The following SPATA13 variants were observed in gnomAD, a reference collection of about 807,000 sequenced individuals.
SPATA13 encodes the protein spermatogenesis-associated protein 13.
SPATA13 carries 50 observed loss-of-function variants against 104.0 expected under a neutral mutation model. The ratio of observed to expected loss-of-function variants is 0.48; its 90% CI spans 0.38 to 0.61. The LOEUF is 0.61. Among genes scored for constraint, SPATA13 ranks in the 20% least tolerant of loss-of-function variants. SPATA13 has a pLI of 0.00. For missense variants in SPATA13, 1,524 were observed against 1,690.6 expected, an observed-to-expected ratio of 0.90 and a Z score of 1.73; for synonymous variants, 606 against 667.5, an observed-to-expected ratio of 0.91 and a Z score of 1.42.
intron 4 of SPATA13, among the ~76,000 whole-genome samples, chr13:24,281,575 G>C (rs143095901): frequency 1.8e-4 from 28 of 152,316 alleles, no homozygotes; most frequent in African/African-American, 4.8e-4. Flanking sequence ...GACGTAAGCA[G>C]CTGGTTCTCC....
intron 3 of SPATA13, among the ~76,000 whole-genome samples, chr13:24,144,473 T>G (rs567955452): frequency 1.4e-4 from 22 of 152,216 alleles, no homozygotes; most frequent in African/African-American, 4.3e-4. Context: ...AGTTTCCTAT[T>G]TAAGAAGCGT....
chr13:24,192,813 A>G (rs112851255), intron 1 of SPATA13, among the ~76,000 whole-genome samples: 2,041 of 152,100 alleles, frequency 0.013, 56 homozygotes, highest in African/African-American at 0.043. Context: ...GTGACATGGG[A>G]AAAAAAGGCC....
At position 24,304,811 on chromosome 13, in the gene SPATA13, A is replaced by G. The variant is rs1314539571; in HGVS notation, c.*2038A>G. The G allele has an allele frequency of 6.6e-6, 1 of 152,242 alleles. No homozygotes were observed. Among genetic ancestry groups the G allele is most frequent in the Non-Finnish European group, 1.5e-5 (1 of 68,060 alleles). The allele number at this position is 152,242 out of a possible 1,614,324, so 9.4% of individuals were successfully genotyped here. On this transcript the variant is annotated 3_prime_UTR_variant, in exon 13 of 13. Coordinates refer to ENST00000382108, the MANE Select transcript of SPATA13 (RefSeq NM_001166271.3). ...TCCTGAGACAGAAGTTGCTGCAGGAAGGAGCTTCTGGAGAGGTCCTGTGGC... is the reference window on the plus strand; with the variant it reads ...TCCTGAGACAGAAGTTGCTGCAGGAGGGAGCTTCTGGAGAGGTCCTGTGGC...
chr13:24,094,288 A>G (rs1880001235), intron 3 of SPATA13, among the ~76,000 whole-genome samples: 1 of 152,240 alleles, frequency 6.6e-6, no homozygotes, highest in Non-Finnish European at 1.5e-5. Flanking sequence ...ACTCAGGGTT[A>G]ACATAGAAAA....
intron 3 of SPATA13, among the ~76,000 whole-genome samples, chr13:24,105,112 CGTTTTGTTTT>C (rs112455495): frequency 6.6e-5 from 10 of 151,658 alleles, no homozygotes; most frequent in Middle Eastern, 3.4e-3. Flanking sequence ...TTCTTACAAT[CGTTTTGTTTT>C]GTTTTGTTTT....
chr13:24,107,691 T>A (rs554431371), intron 3 of SPATA13, among the ~76,000 whole-genome samples: 25 of 152,306 alleles, frequency 1.6e-4, no homozygotes, highest in Non-Finnish European at 3.1e-4. Context: ...CATTTTCAGT[T>A]TTTATTGAAA....
chr13:24,142,517 G>A (rs1881793643), intron 3 of SPATA13, among the ~76,000 whole-genome samples: 1 of 152,076 alleles, frequency 6.6e-6, no homozygotes, highest in Non-Finnish European at 1.5e-5. Flanking sequence ...ATGCATTTGG[G>A]GGCAGAAATA....
intron 3 of SPATA13, among the ~76,000 whole-genome samples, chr13:24,108,399 G>A (rs187711515): frequency 1.3e-3 from 200 of 152,288 alleles, no homozygotes; most frequent in Non-Finnish European, 2.4e-3. Flanking sequence ...TGGGACGTGT[G>A]CCTGTTTATA....
chr13:24,226,113 A>G (rs761714483), intron 2 of SPATA13, among the ~76,000 whole-genome samples: 18 of 152,208 alleles, frequency 1.2e-4, no homozygotes, highest in Non-Finnish European at 2.2e-4. Flanking sequence ...TGATTGGTCC[A>G]TGGGCAGGCC....
At position 24,303,196 on chromosome 13, in the gene SPATA13, A is replaced by G; in HGVS notation, c.*423A>G. On this transcript the variant is annotated 3_prime_UTR_variant, in exon 13 of 13. Coordinates refer to ENST00000382108, the MANE Select transcript of SPATA13 (RefSeq NM_001166271.3). Reference sequence around the variant, plus strand: ...GGATCACTTCTGCATTTGATTTTCAAGGATGCCGTCAAGACGGGGTTGACA... The same window carrying G: ...GGATCACTTCTGCATTTGATTTTCAGGGATGCCGTCAAGACGGGGTTGACA... The G allele has an allele frequency of 2.5e-6, 1 of 399,190 alleles. No homozygotes were observed. Among genetic ancestry groups the G allele is most frequent in the Non-Finnish European group, 5.0e-6 (1 of 200,832 alleles). The allele number at this position is 399,190 out of a possible 1,614,324, so 24.7% of individuals were successfully genotyped here.
chr13:24,158,986 G>C (rs1187614509), upstream of SPATA13, among the ~76,000 whole-genome samples: 1 of 152,186 alleles, frequency 6.6e-6, no homozygotes, highest in Admixed American at 6.5e-5. Context: ...AAAAAGTATT[G>C]CATGTAAATG....
chr13:24,065,933 C>G (rs1184320856), intron 3 of SPATA13, among the ~76,000 whole-genome samples: 4 of 152,206 alleles, frequency 2.6e-5, no homozygotes, highest in Non-Finnish European at 5.9e-5. Flanking sequence ...CTTAAGTAAT[C>G]TGAGCTACAT....
intron 3 of SPATA13, among the ~76,000 whole-genome samples, chr13:24,134,764 T>G (rs561375914): frequency 6.6e-6 from 1 of 152,288 alleles, no homozygotes; most frequent in East Asian, 1.9e-4. Flanking sequence ...GTTCAGTGAT[T>G]TTATGGCCTC....
At chr13:24,120,847 T>C (rs1343380470) in intron 3 of SPATA13, among the ~76,000 whole-genome samples, 1 of 152,068 alleles carries the variant, frequency 6.6e-6, no homozygotes, top group African/African-American at 2.4e-5. Context: ...CTAAACATGG[T>C]TGGAGGGAAA....
chr13:24,048,106 A>G (rs952573698), intron 3 of SPATA13, among the ~76,000 whole-genome samples: 2 of 152,216 alleles, frequency 1.3e-5, no homozygotes, highest in African/African-American at 2.4e-5. Context: ...TTACTCAGCC[A>G]GGTGATTCAA....
rs1399236087 is a variant in SPATA13, at chr13:24,223,349, G to A, written c.420G>A (p.Ser140=). 15 of 1,551,208 alleles carry A rather than the reference G, an allele frequency of 9.7e-6. No homozygotes were observed. Among genetic ancestry groups the A allele is most frequent in the East Asian group, 2.4e-5 (1 of 40,910 alleles). ...ATGCCTGTTCAAAGGGAGAGGCTTC[G>A]GAGCATGGCCTGGGAAAGTCCATCC... ...GSNACSKGEA[S]EHGLGKSIPN... is the part of the protein sequence containing the mutation. The change falls in exon 2 of 13, where the codon TCG becomes TCA. Residue 140 remains serine (S), a synonymous_variant. Coordinates refer to ENST00000382108, the MANE Select transcript of SPATA13 (RefSeq NM_001166271.3).
In SPATA13 at chr13:24,059,284, G is replaced by C. The variant is rs565248138; in HGVS notation, c.-112+41583G>C. Among the ~76,000 whole-genome samples, 55 of 151,608 alleles carry C rather than the reference G, an allele frequency of 3.6e-4. 1 individual carries two copies. Among genetic ancestry groups the C allele is most frequent in the Admixed American group, 2.5e-3 (38 of 15,228 alleles). The stretch of plus-strand genomic sequence containing the variant: ...CTGCATCCGGCCTGGCCTGTGTACT[G>C]TTGTAACCTCACCACCCAGCACAAC... On this transcript the variant is annotated intron_variant, in intron 3 of 14. Transcript: ENST00000424834.
intron 3 of SPATA13, among the ~76,000 whole-genome samples, chr13:24,039,040 A>T (rs568735231): frequency 6.6e-6 from 1 of 152,278 alleles, no homozygotes; most frequent in East Asian, 1.9e-4. Context: ...AGAGACGATT[A>T]AAAAAGTTAT....
chr13:24,097,749 C>T (rs905943320), intron 3 of SPATA13, among the ~76,000 whole-genome samples: 6 of 152,248 alleles, frequency 3.9e-5, no homozygotes, highest in African/African-American at 1.2e-4. Flanking sequence ...GAGAGGGACC[C>T]CCCAACATAG....
Sources: allele counts gnomAD v4.1 joint callset (sites outside exome capture counted in the v4.1 genomes callset), GRCh38; gene constraint gnomAD v4.1.1; transcripts MANE v1.5; gene names NCBI Gene and HGNC (gene_info 2026-07-23, HGNC 2026-07-21).